The following IFT80 variants were observed in gnomAD, a reference collection of about 807,000 sequenced individuals.
The protein encoded by IFT80 is intraflagellar transport protein 80 homolog.
A neutral mutation model predicts 107.9 loss-of-function variants in IFT80; 79 were observed. That is an observed-to-expected ratio of 0.73 (90% CI 0.61 to 0.88). The LOEUF (loss-of-function observed/expected upper bound fraction) is 0.88. IFT80 is among the 40% of genes least tolerant of loss of function. The pLI, the probability that IFT80 is intolerant of heterozygous loss-of-function variation, is 0.00. For missense variants in IFT80, 797 were observed against 914.2 expected (o/e 0.87, Z 1.65); for synonymous variants, 299 against 300.9 (o/e 0.99, Z 0.07).
At chr3:160,280,617 A>C in intron 15 of IFT80, 50 bp downstream of exon 15, 1 of 1,488,544 alleles carries the variant, frequency 6.7e-7, no homozygotes, top group Non-Finnish European at 9.4e-7. Flanking sequence ...ATGATACTCT[A>C]TTAGAGTTTT....
At chr3:160,278,131 C>A (rs533940067) in intron 16 of IFT80, among the ~76,000 whole-genome samples, 1 of 152,030 alleles carries the variant, frequency 6.6e-6, no homozygotes, top group Non-Finnish European at 1.5e-5. Context: ...AAAAGCAGCC[C>A]CCAAATCATT....
At chr3:160,315,283 C>T (rs1576797548) in intron 9 of IFT80, among the ~76,000 whole-genome samples, 1 of 152,180 alleles carries the variant, frequency 6.6e-6, no homozygotes, top group African/African-American at 2.4e-5. Context: ...GTGAAATATG[C>T]ATTGTCTCCA....
At chr3:160,301,467 A>G (rs1716418611) in intron 11 of IFT80, among the ~76,000 whole-genome samples, 1 of 151,952 alleles carries the variant, frequency 6.6e-6, no homozygotes, top group South Asian at 2.1e-4. Flanking sequence ...ATAACTAAAG[A>G]TTATGCTAAA....
At chr3:160,312,718 TATAATA>T (rs1717410965) in intron 9 of IFT80, among the ~76,000 whole-genome samples, 1 of 38,484 alleles carries the variant, frequency 2.6e-5, no homozygotes, top group South Asian at 6.0e-4. Flanking sequence ...ATATAATATA[TATAATA>T]AATATATATT....
chr3:160,375,422 C>T (rs919225506), intron 5 of IFT80, among the ~76,000 whole-genome samples: 4 of 152,018 alleles, frequency 2.6e-5, no homozygotes, highest in African/African-American at 9.7e-5. Context: ...ATGAAGTTAT[C>T]GGGGATTTTT....
chr3:160,343,866 G>A (rs1720096275), intron 8 of IFT80: 1 of 252,712 alleles, frequency 4.0e-6, no homozygotes, highest in Non-Finnish European at 8.1e-6. Flanking sequence ...TTAACAACTA[G>A]GGCAAGTACC....
At chr3:160,291,051 C>T (rs1715514119) in intron 12 of IFT80, among the ~76,000 whole-genome samples, 2 of 152,120 alleles carry the variant, frequency 1.3e-5, no homozygotes, top group Non-Finnish European at 2.9e-5. Context: ...GTTCAACAGG[C>T]CTTTAATATC....
intron 15 of IFT80, 84 bp downstream of exon 15, chr3:160,280,583 A>T: frequency 8.7e-7 from 1 of 1,154,284 alleles, no homozygotes; most frequent in African/African-American, 1.5e-5. Context: ...AACACCTTGC[A>T]GGATTGAAAA....
intron 12 of IFT80, among the ~76,000 whole-genome samples, chr3:160,297,154 G>C (rs1458290699): frequency 6.6e-6 from 1 of 152,126 alleles, no homozygotes; most frequent in African/African-American, 2.4e-5. Context: ...TGGCACAAAT[G>C]CTGCCTCTGC....
intron 4 of IFT80, 90 bp from the exon 5 acceptor site, chr3:160,375,970 A>G: frequency 2.5e-6 from 2 of 798,054 alleles, no homozygotes; most frequent in Non-Finnish European, 4.2e-6. Context: ...AACAGTATCT[A>G]CCGCATATTC....
rs142961661 is a variant in IFT80 at position 160,327,695 on chromosome 3, T to C, written c.778-7756A>G. ...ACCATATACAAAAATTAACTCAAGA[T>C]GGATTAAAGACAAATGTAAAACACA... On this transcript the variant is annotated intron_variant, in intron 8 of 19. Transcript: ENST00000326448. Among the ~76,000 whole-genome samples, 1,070 of 152,236 alleles carry C rather than the reference T, an allele frequency of 7.0e-3. 16 individuals are homozygous for C. Among genetic ancestry groups the C allele is most frequent in the African/African-American group, 0.025 (1,027 of 41,536 alleles).
intron 5 of IFT80, among the ~76,000 whole-genome samples, chr3:160,372,118 T>A (rs574372755): frequency 3.9e-4 from 60 of 152,316 alleles, no homozygotes; most frequent in African/African-American, 1.4e-3. Flanking sequence ...GCTCCAATAG[T>A]CAAGAAATGA....
intron 6 of IFT80, 35 bp from the exon 7 acceptor site, chr3:160,357,613 T>C (rs1721187697): frequency 7.2e-7 from 1 of 1,393,476 alleles, no homozygotes. Context: ...TAATTATAAG[T>C]TTAAAAGCAC....
intron 8 of IFT80, among the ~76,000 whole-genome samples, chr3:160,326,304 A>C (rs1418366781): frequency 1.3e-5 from 2 of 151,930 alleles, no homozygotes; most frequent in South Asian, 4.2e-4. Context: ...AAAAGGAGGC[A>C]CTCCTCCCTA....
In IFT80 at chr3:160,357,577, C is replaced by T. The variant is rs1182330004; in HGVS notation, c.551G>A (p.Trp184Ter). ...TAAAATAATGCCATCATGAGCTTTC[C>T]ACTGTGAGAAAAAAGAATAAGATAT... Reference protein sequence around the residue: ...PLQPNAKVLQWKAHDGIILKV... With the variant: ...PLQPNAKVLQ The change falls in exon 7 of 20, where the codon TGG (tryptophan) becomes TAG (stop). Residue 184 changes from tryptophan (W) to a stop codon, truncating the protein, a stop_gained and splice_region_variant. Coordinates refer to ENST00000326448, the MANE Select transcript of IFT80 (RefSeq NM_020800.3). LOFTEE classifies it high-confidence loss of function. The T allele has an allele frequency of 1.0e-5, 16 of 1,578,276 alleles. No homozygotes were observed. The highest frequency in any genetic ancestry group is 1.3e-5 in the Non-Finnish European group (15 of 1,149,320).
chr3:160,304,131 T>C, intron 10 of IFT80, 142 bp from the exon 11 acceptor site: 5 of 662,812 alleles, frequency 7.5e-6, no homozygotes, highest in Non-Finnish European at 1.4e-5. Flanking sequence ...ACTTGGTGCA[T>C]TGTTCTGAAA....
At chr3:160,318,622 CT>C (rs1302766105) in intron 9 of IFT80, among the ~76,000 whole-genome samples, 1 of 152,030 alleles carries the variant, frequency 6.6e-6, no homozygotes, top group Non-Finnish European at 1.5e-5. Context: ...ATCCTTTGAC[CT>C]GTAAAACATT....
chr3:160,268,788 A>C, intron 18 of IFT80: 1 of 447,582 alleles, frequency 2.2e-6, no homozygotes, highest in Non-Finnish European at 4.1e-6. Flanking sequence ...TATGCTTCAT[A>C]CCATTTATAT....
chr3:160,353,111 A>G (rs528388886), intron 8 of IFT80, among the ~76,000 whole-genome samples: 1 of 152,282 alleles, frequency 6.6e-6, no homozygotes, highest in East Asian at 1.9e-4. Flanking sequence ...TTTCTAATAA[A>G]CTATGATACC....
Sources: gnomAD v4.1 joint callset for allele counts (sites outside exome capture counted in the v4.1 genomes callset) on GRCh38, gnomAD v4.1.1 for gene constraint, MANE v1.5 for transcripts, NCBI Gene and HGNC (gene_info 2026-07-23, HGNC 2026-07-21) for gene names.